Variants in ZNF564 observed in about 807,000 individuals in gnomAD.
The protein encoded by ZNF564 is zinc finger protein 564.
ZNF564 carries 5 observed loss-of-function variants against 10.5 expected under a neutral mutation model. The observed-to-expected ratio is 0.48, with a 90% CI of 0.25 to 1.00. ZNF564 has a LOEUF of 1.00. Among genes scored for constraint, ZNF564 ranks in the 50% least tolerant of loss-of-function variants. ZNF564 has a pLI of 0.16. For missense variants in ZNF564, 603 were observed against 669.7 expected (o/e 0.90, Z 1.10); for synonymous variants, 242 against 218.1 (o/e 1.11, Z -0.97).
At chr19:12,538,487 A>G (rs1453024362) in intron 1 of ZNF564, among the ~76,000 whole-genome samples, 2 of 152,080 alleles carry the variant, frequency 1.3e-5, no homozygotes, top group African/African-American at 4.8e-5. Context: ...TTAGCCAGGC[A>G]TGGTGGTGGG....
In ZNF564 at chr19:12,526,944, A is replaced by T. The variant is rs2021697535; in HGVS notation, c.1164T>A (p.Thr388=). Residue 388 remains threonine, a synonymous_variant, in exon 4 of 4, where the codon ACT becomes ACA. Coordinates refer to ENST00000339282, the MANE Select transcript of ZNF564 (RefSeq NM_144976.4). ...CCTGACATTTATAAGGTCCATCTCCAGTGTGCTTTATCATGTGTCTTCGGA... is the reference window on the plus strand; with the variant it reads ...CCTGACATTTATAAGGTCCATCTCCTGTGTGCTTTATCATGTGTCTTCGGA... ...PSVRRHMIKH[T]GDGPYKCQVC... The T allele has an allele frequency of 6.2e-7, 1 of 1,614,118 alleles. No individual in the cohort carries two copies. The highest frequency in any genetic ancestry group is 1.3e-5 in the African/African-American group (1 of 75,030).
intron 1 of ZNF564, among the ~76,000 whole-genome samples, chr19:12,533,742 A>AAAC (rs1465651805): frequency 6.7e-6 from 1 of 149,856 alleles, no homozygotes; most frequent in Admixed American, 6.7e-5. Context: ...AAAAAAAAAA[A>AAAC]AAAAAAAACA....
At position 12,527,089 on chromosome 19, in the gene ZNF564, T is replaced by C; in HGVS notation, c.1019A>G (p.Asn340Ser). Reference protein sequence around the residue: ...THTGEKPYECNKCGKTFSSSS... With the variant: ...THTGEKPYECSKCGKTFSSSS... ...AGAACTGAAGGTTTTACCACATTTA[T>C]TACATTCATAGGGTTTCTCCCCAGT... Residue 340 changes from asparagine to serine, a missense_variant, in exon 4 of 4, where the codon AAT becomes AGT. Coordinates refer to ENST00000339282, the MANE Select transcript of ZNF564 (RefSeq NM_144976.4). 1 of 1,614,180 alleles carries C rather than the reference T, an allele frequency of 6.2e-7. No homozygotes were observed. Among genetic ancestry groups the C allele is most frequent in the Non-Finnish European group, 8.5e-7 (1 of 1,180,026 alleles).
Position 12,551,380 on chromosome 19 carries a change from G to C in ZNF564, c.-48C>G. ...GGGGTCCTGCCTACGGCTCTCTCCG[G>C]CCTGTGCAGGTCCCAGCGCGCCAGA... On this transcript the variant is annotated 5_prime_UTR_variant, in exon 1 of 4. Coordinates refer to ENST00000339282, the MANE Select transcript of ZNF564 (RefSeq NM_144976.4). 2 of 1,575,036 alleles carry C rather than the reference G, an allele frequency of 1.3e-6. No individual in the cohort carries two copies. The highest frequency in any genetic ancestry group is 4.7e-5 in the East Asian group (2 of 42,198).
intron 1 of ZNF564, among the ~76,000 whole-genome samples, chr19:12,542,875 T>A (rs1002662464): frequency 6.7e-6 from 1 of 149,702 alleles, no homozygotes. Context: ...TGGTGGCACA[T>A]CCTGTAGTCC....
At chr19:12,551,240 C>T in intron 1 of ZNF564, 90 bp downstream of exon 1, 4 of 1,444,908 alleles carry the variant, frequency 2.8e-6, no homozygotes, top group Non-Finnish European at 3.8e-6. Flanking sequence ...GGAGTCGCTG[C>T]AGGGAGGCCA....
intron 1 of ZNF564, among the ~76,000 whole-genome samples, chr19:12,538,903 T>G (rs1194942337): frequency 6.6e-6 from 1 of 152,072 alleles, no homozygotes; most frequent in Non-Finnish European, 1.5e-5. Context: ...TAATCATAAC[T>G]AATACACTAC....
intron 1 of ZNF564, among the ~76,000 whole-genome samples, chr19:12,535,116 G>A (rs1489678730): frequency 6.6e-6 from 1 of 152,084 alleles, no homozygotes; most frequent in Non-Finnish European, 1.5e-5. Context: ...GCTCACACCT[G>A]TAATCCCAGC....
chr19:12,540,912 T>A (rs2022032899), intron 1 of ZNF564, among the ~76,000 whole-genome samples: 1 of 148,986 alleles, frequency 6.7e-6, no homozygotes, highest in Non-Finnish European at 1.5e-5. Flanking sequence ...CTCGAGAGGC[T>A]GAGGTAGGAG....
intron 1 of ZNF564, among the ~76,000 whole-genome samples, chr19:12,540,592 T>A (rs140915720): frequency 2.0e-5 from 3 of 151,964 alleles, no homozygotes. Context: ...TGGTAGCTCA[T>A]GCCTGTAATC....
intron 1 of ZNF564, among the ~76,000 whole-genome samples, chr19:12,530,901 G>A: frequency 6.6e-6 from 1 of 152,110 alleles, no homozygotes; most frequent in Non-Finnish European, 1.5e-5. Context: ...CAAGTAGCTA[G>A]AACTATAGTC....
At chr19:12,550,831 CATTT>C (rs1413750750) in intron 1 of ZNF564, among the ~76,000 whole-genome samples, 1 of 152,132 alleles carries the variant, frequency 6.6e-6, no homozygotes, top group East Asian at 1.9e-4. Flanking sequence ...GAAATTTAGG[CATTT>C]ATTTCCAGCC....
Position 12,526,832 on chromosome 19 carries a change from A to G in ZNF564, c.1276T>C (p.Cys426Arg). The stretch of plus-strand genomic sequence containing the variant: ...TTAAGAGAAATGAAGGCTTTCCCAC[A>G]TACCTGACATTCATAGGGTTTCTCT... ...TGEKPYECQV[C>R]GKAFISLKRI... Residue 426 changes from cysteine to arginine, a missense_variant, in exon 4 of 4, where the codon TGT becomes CGT. Coordinates refer to ENST00000339282, the MANE Select transcript of ZNF564 (RefSeq NM_144976.4). The G allele has an allele frequency of 6.2e-7, 1 of 1,614,134 alleles. No individual in the cohort carries two copies. Among genetic ancestry groups the G allele is most frequent in the Non-Finnish European group, 8.5e-7 (1 of 1,180,008 alleles).
Position 12,527,410 on chromosome 19 carries a change from G to C in ZNF564, c.698C>G (p.Ala233Gly). The change falls in exon 4 of 4, where the codon GCT (alanine) becomes GGT (glycine). Residue 233 changes from alanine (A) to glycine (G), a missense_variant. By Grantham distance (60) the Ala-to-Gly change is moderately conservative. Transcript: ENST00000339282. Reference sequence around the variant, plus strand: ...TTGAAAACTTGGAAGAGAAATGAAAGCTTTTGCACATTCCTGACATTCATA... The same window carrying C: ...TTGAAAACTTGGAAGAGAAATGAAACCTTTTGCACATTCCTGACATTCATA... ...KPYECQECAK[A>G]FISLPSFQRH... The C allele has an allele frequency of 6.2e-7, 1 of 1,613,950 alleles. No individual in the cohort carries two copies. Among genetic ancestry groups the C allele is most frequent in the East Asian group, 2.2e-5 (1 of 44,882 alleles).
intron 1 of ZNF564, chr19:12,541,405 C>T (rs2022047066): frequency 6.6e-6 from 1 of 152,044 alleles, no homozygotes; most frequent in Non-Finnish European, 1.5e-5. Flanking sequence ...AAAAAATTAG[C>T]TCGGCGTGGT....
chr19:12,540,904 C>T (rs2022032693), intron 1 of ZNF564, among the ~76,000 whole-genome samples: 1 of 150,208 alleles, frequency 6.7e-6, no homozygotes. Context: ...CCCAGCTACT[C>T]GAGAGGCTGA....
intron 1 of ZNF564, chr19:12,541,670 TA>T (rs1428264040): frequency 2.6e-5 from 4 of 152,188 alleles, no homozygotes; most frequent in Non-Finnish European, 5.9e-5. Flanking sequence ...GTGCTTTATT[TA>T]ATTCCATAAA....
chr19:12,529,391 G>A (rs2021755298), intron 1 of ZNF564, among the ~76,000 whole-genome samples: 1 of 151,546 alleles, frequency 6.6e-6, no homozygotes, highest in Non-Finnish European at 1.5e-5. Flanking sequence ...GGATCACAAG[G>A]TCAGGAGTTT....
intron 1 of ZNF564, among the ~76,000 whole-genome samples, chr19:12,549,186 G>A (rs1243277349): frequency 1.3e-5 from 2 of 152,020 alleles, no homozygotes; most frequent in Admixed American, 1.3e-4. Context: ...CCCTCCCTTT[G>A]CAAACACTTT....
Sources: allele counts gnomAD v4.1 joint callset (sites outside exome capture counted in the v4.1 genomes callset), GRCh38; gene constraint gnomAD v4.1.1; transcripts MANE v1.5; gene names NCBI Gene and HGNC (gene_info 2026-07-23, HGNC 2026-07-21).